RBFOX1: variants seen among roughly 807,000 people sequenced by gnomAD.
The protein encoded by RBFOX1 is RNA binding protein fox-1 homolog 1.
In RBFOX1, 8 loss-of-function variants were observed where a neutral mutation model predicts 57.7. The observed-to-expected ratio is 0.14, with a 90% CI of 0.08 to 0.25. The LOEUF is 0.25. Among genes scored for constraint, RBFOX1 ranks in the 10% least tolerant of loss-of-function variants. The pLI is 1.00. For synonymous variants in RBFOX1, 326 were observed against 222.4 expected (o/e 1.47, Z -4.15); for missense variants, 611 against 548.5 (o/e 1.11, Z -1.14).
In RBFOX1 at chr16:7,044,006, C is replaced by T. The variant is rs182738913; in HGVS notation, c.-15-8051C>T. Among the ~76,000 whole-genome samples, 177 of 152,330 alleles carry T rather than the reference C, an allele frequency of 1.2e-3. 1 individual carries two copies. Among genetic ancestry groups the T allele is most frequent in the African/African-American group, 3.3e-3 (136 of 41,570 alleles). On this transcript the variant is annotated intron_variant, in intron 3 of 15. Coordinates refer to ENST00000550418, the MANE Select transcript of RBFOX1 (RefSeq NM_018723.4). Reference sequence around the variant, plus strand: ...GGCCACCTCCTATGCACTGCAAGCACCTCTTACACTTTCACTGTACAAATG... The same window carrying T: ...GGCCACCTCCTATGCACTGCAAGCATCTCTTACACTTTCACTGTACAAATG...
At chr16:7,645,008 C>G (rs910338497) in intron 11 of RBFOX1, among the ~76,000 whole-genome samples, 15 of 152,242 alleles carry the variant, frequency 9.9e-5, no homozygotes, top group African/African-American at 3.6e-4. Context: ...TAGCCTCTTA[C>G]AATCTTATTC....
At chr16:7,525,677 T>A (rs12933744) in intron 5 of RBFOX1, among the ~76,000 whole-genome samples, 79,015 of 152,088 alleles carry the variant, frequency 0.52, 24,760 homozygotes, top group Non-Finnish European at 0.72. Context: ...TTAGAATTGT[T>A]GGGTGTCCTG....
rs1234721239 is a variant in RBFOX1 at position 5,313,289 on chromosome 16, G to A, written c.219+73184G>A. ...GTCCTCTGGGAGGTCTCAAATCATG[G>A]CAGTTGATGAGGAGAGCAAGGACCA... On this transcript the variant is annotated intron_variant, in intron 1 of 2. Transcript: ENST00000585867. 2.0e-5 allele frequency among the ~76,000 whole-genome samples: 3 copies of A among 152,120 alleles called. No individual in the cohort carries two copies. In the East Asian group the frequency reaches 5.8e-4, roughly 29 times the overall value.
intron 4 of RBFOX1, among the ~76,000 whole-genome samples, chr16:6,010,182 A>T (rs2094953176): frequency 6.6e-6 from 1 of 152,066 alleles, no homozygotes; most frequent in Non-Finnish European, 1.5e-5. Context: ...TGGACTTCCA[A>T]ATCTCAGCAC....
chr16:7,051,623 G>A (rs1198934195), intron 3 of RBFOX1, among the ~76,000 whole-genome samples: 1 of 152,150 alleles, frequency 6.6e-6, no homozygotes, highest in South Asian at 2.1e-4. Context: ...TGACACTACT[G>A]GCCCTAAACA....
At chr16:5,603,017 C>CT, downstream of RBFOX1, among the ~76,000 whole-genome samples, 1 of 152,196 alleles carries the variant, frequency 6.6e-6, no homozygotes, top group East Asian at 1.9e-4. Flanking sequence ...TTTAGATAGA[C>CT]TTTTTGGTCC....
intron 2 of RBFOX1, among the ~76,000 whole-genome samples, chr16:5,578,271 C>T (rs2046537308): frequency 6.6e-6 from 1 of 152,130 alleles, no homozygotes; most frequent in Admixed American, 6.5e-5. Flanking sequence ...GATGGATGAC[C>T]TGGGCTTCTC....
chr16:7,419,079 T>C (rs2098513667), intron 4 of RBFOX1, among the ~76,000 whole-genome samples: 5 of 152,098 alleles, frequency 3.3e-5, no homozygotes, highest in Admixed American at 3.3e-4. Flanking sequence ...TAGTTTTTTT[T>C]GTATTTTTAC....
intron 2 of RBFOX1, among the ~76,000 whole-genome samples, chr16:6,579,296 T>C (rs893592621): frequency 6.6e-6 from 1 of 152,034 alleles, no homozygotes; most frequent in Non-Finnish European, 1.5e-5. Context: ...CTTGATCTAC[T>C]GGGCTCAAGC....
chr16:7,063,257 C>G (rs910289173), intron 4 of RBFOX1, among the ~76,000 whole-genome samples: 2 of 152,060 alleles, frequency 1.3e-5, no homozygotes, highest in East Asian at 1.9e-4. Flanking sequence ...GCTTCAGGGT[C>G]TTTGGAACTC....
At chr16:7,550,526 A>G (rs1472725007) in intron 5 of RBFOX1, among the ~76,000 whole-genome samples, 1 of 152,112 alleles carries the variant, frequency 6.6e-6, no homozygotes, top group Non-Finnish European at 1.5e-5. Context: ...AAATTATTAA[A>G]TTATCACTCT....
chr16:6,844,319 G>A (rs2093646306), intron 3 of RBFOX1, among the ~76,000 whole-genome samples: 1 of 152,066 alleles, frequency 6.6e-6, no homozygotes, highest in African/African-American at 2.4e-5. Flanking sequence ...TAAATCTGGT[G>A]TTCATTAGGT....
At chr16:7,635,632 A>AT (rs1189555182) in intron 11 of RBFOX1, among the ~76,000 whole-genome samples, 8 of 150,198 alleles carry the variant, frequency 5.3e-5, no homozygotes, top group African/African-American at 2.0e-4. Context: ...CAGATGTTAC[A>AT]TGGACATTAC....
At chr16:5,679,966 A>G (rs2050280904) in intron 3 of RBFOX1, among the ~76,000 whole-genome samples, 1 of 152,200 alleles carries the variant, frequency 6.6e-6, no homozygotes, top group Non-Finnish European at 1.5e-5. Context: ...TAGGAAACAT[A>G]TATTGTTTTA....
intron 4 of RBFOX1, among the ~76,000 whole-genome samples, chr16:7,455,283 C>T (rs2058269301): frequency 6.6e-6 from 1 of 152,128 alleles, no homozygotes; most frequent in Non-Finnish European, 1.5e-5. Flanking sequence ...GGATACATCA[C>T]CCTCCCTATA....
Position 6,528,153 on chromosome 16 carries a change from G to A in RBFOX1, c.-63-126450G>A, listed in dbSNP as rs139118013. ...TTTCTTTTACCTAAACCTTGATTCT[G>A]TTATCTTTGTCTTCGGCACTTTTAT... On this transcript the variant is annotated intron_variant, in intron 2 of 15. Transcript: ENST00000550418. Among the ~76,000 whole-genome samples, 1,455 of 152,100 alleles carry A rather than the reference G, an allele frequency of 9.6e-3. 25 individuals carry two copies. The highest frequency in any genetic ancestry group is 0.031 in the African/African-American group (1,286 of 41,490).
Position 7,606,607 on chromosome 16 carries a change from T to A in RBFOX1, c.623-678T>A, listed in dbSNP as rs117665465. Among the ~76,000 whole-genome samples the A allele has an allele frequency of 1.3e-4, 20 of 152,308 alleles. 1 individual carries two copies. In the East Asian group the frequency reaches 3.9e-3, roughly 29 times the overall value. On this transcript the variant is annotated intron_variant, in intron 9 of 15. Transcript: ENST00000550418. ...AGTAAAGATTTCTAAAGGGTCAGGA[T>A]TCATTTTACAAAAAACTCTCCATCC...
chr16:7,613,146 C>G (rs2057840763), intron 10 of RBFOX1, among the ~76,000 whole-genome samples: 1 of 152,020 alleles, frequency 6.6e-6, no homozygotes, highest in Non-Finnish European at 1.5e-5. Context: ...ACTTGAAAAC[C>G]TTGAAGAAAA....
chr16:7,677,868 C>G (rs554836243), intron 14 of RBFOX1, among the ~76,000 whole-genome samples: 1 of 152,186 alleles, frequency 6.6e-6, no homozygotes, highest in Non-Finnish European at 1.5e-5. Flanking sequence ...GCGTCAGCAG[C>G]CTCTGGTCCT....
Sources: gnomAD v4.1 joint callset for allele counts (sites outside exome capture counted in the v4.1 genomes callset) on GRCh38, gnomAD v4.1.1 for gene constraint, MANE v1.5 for transcripts, NCBI Gene and HGNC (gene_info 2026-07-23, HGNC 2026-07-21) for gene names.